KIFC2: variants seen among roughly 807,000 people sequenced by gnomAD.
KIFC2 encodes kinesin family member C2, also known as kinesin-like protein KIFC2.
KIFC2 carries 94 observed loss-of-function variants against 91.5 expected under a neutral mutation model. The ratio of observed to expected loss-of-function variants is 1.03; its 90% confidence interval spans 0.87 to 1.22. KIFC2 has a LOEUF of 1.22. Ranked by LOEUF, KIFC2 falls within the 50% of genes most tolerant of loss-of-function variation. KIFC2 has a pLI of 0.00. For synonymous variants in KIFC2, 729 were observed against 503.9 expected (o/e 1.45, Z -5.98); for missense variants, 1,357 against 1,103.3 (o/e 1.23, Z -3.26).
chr8:144,468,283 C>A, intron 7 of KIFC2, 46 bp from the exon 8 acceptor site: 1 of 1,524,386 alleles, frequency 6.6e-7, no homozygotes, highest in Non-Finnish European at 9.0e-7. Flanking sequence ...AATGGTACCA[C>A]AGACCGTCCC....
Position 144,473,470 on chromosome 8 carries a change from C to T in KIFC2, c.*81C>T, listed in dbSNP as rs758060465. 6.8e-7 allele frequency: 1 copy of T among 1,462,316 alleles called. No homozygotes were observed. Among genetic ancestry groups the T allele is most frequent in the South Asian group, 1.4e-5 (1 of 71,896 alleles). 90.6% of individuals were successfully genotyped at this position (1,462,316 alleles called of 1,614,324 possible). On this transcript the variant is annotated 3_prime_UTR_variant, in exon 18 of 18. Coordinates refer to ENST00000645548, the MANE Select transcript of KIFC2 (RefSeq NM_001369769.2). ...CGGTAGTAAAGTCCCTGTACCCCGTCTCCCAGGGCACAAGCTCCCTAGCCT... is the reference window on the plus strand; with the variant it reads ...CGGTAGTAAAGTCCCTGTACCCCGTTTCCCAGGGCACAAGCTCCCTAGCCT...
In KIFC2 at chr8:144,466,354, G is replaced by T; in HGVS notation, c.-66G>T. On this transcript the variant is annotated 5_prime_UTR_variant, in exon 1 of 18. Transcript: ENST00000645548. ...TGCGCACCGGCACTGCGGCGGGCGGGCGCCGAGTCTGGGCGCGGGGACGCG... is the reference window on the plus strand; with the variant it reads ...TGCGCACCGGCACTGCGGCGGGCGGTCGCCGAGTCTGGGCGCGGGGACGCG... The T allele has an allele frequency of 3.4e-6, 2 of 586,896 alleles. No homozygotes were observed. The highest frequency in any genetic ancestry group is 1.0e-4 in the Admixed American group (2 of 19,294). The allele number at this position is 586,896 out of a possible 1,614,324, so 36.4% of individuals were successfully genotyped here.
intron 7 of KIFC2, 157 bp downstream of exon 7, chr8:144,468,144 C>G (rs544961921): frequency 3.6e-6 from 4 of 1,108,912 alleles, no homozygotes; most frequent in Admixed American, 2.8e-5. Flanking sequence ...ACCCCCCTCT[C>G]CGTGGCCCCT....
chr8:144,468,480 C>T, intron 8 of KIFC2, 56 bp from the exon 9 acceptor site: 2 of 1,290,730 alleles, frequency 1.5e-6, no homozygotes, highest in South Asian at 1.2e-5. Flanking sequence ...TTATCTGAGG[C>T]AGGGCCTGGT....
In KIFC2 at chr8:144,466,493, C is replaced by T. The variant is rs761114602; in HGVS notation, c.74C>T (p.Ala25Val). ...LFRRDGGAAA[A>V]AEPGDPAQRA... ...CGCAGGGATGGTGGCGCCGCGGCGG[C>T]CGCGGAGCCCGGGGACCCCGCCCAG... Residue 25 changes from alanine (A) to valine (V), a missense_variant, in exon 1 of 18, where the codon GCC (alanine) becomes GTC (valine). By Grantham distance (64) the Ala-to-Val change is moderately conservative (BLOSUM62 0). Coordinates refer to ENST00000645548, the MANE Select transcript of KIFC2 (RefSeq NM_001369769.2). 2 of 1,314,214 alleles carry T rather than the reference C, an allele frequency of 1.5e-6. No homozygotes were observed. Among genetic ancestry groups the T allele is most frequent in the Non-Finnish European group, 2.0e-6 (2 of 1,024,328 alleles). 81.4% of individuals were successfully genotyped at this position (1,314,214 alleles called of 1,614,324 possible). A position where few individuals can be genotyped will look rare whatever the true frequency, so the allele number is the denominator to read the frequency against.
rs1371888375 is a variant in KIFC2 at position 144,466,789 on chromosome 8, C to A, written c.129C>A (p.Arg43=). 2.0e-6 allele frequency: 3 copies of A among 1,534,840 alleles called. No homozygotes were observed. Among genetic ancestry groups the A allele is most frequent in the Non-Finnish European group, 2.6e-6 (3 of 1,147,722 alleles). The change falls in exon 2 of 18, where the codon CGC becomes CGA. Residue 43 remains arginine (R), a synonymous_variant. Transcript: ENST00000645548. ...CCCGCAAGCCCCGGGGTCGCCGGCG[C>A]CCAGACCTGCCCGCGCCAGAGCTGT... ...QRARKPRGRR[R]PDLPAPELWT...
chr8:144,469,585 C>T lies in KIFC2; in HGVS notation c.1318C>T (p.Arg440Trp), dbSNP rs777942900. The T allele has an allele frequency of 5.6e-6, 9 of 1,612,848 alleles. No homozygotes were observed. Among genetic ancestry groups the T allele is most frequent in the African/African-American group, 2.7e-5 (2 of 74,938 alleles). The change falls in exon 12 of 18, where the codon CGG becomes TGG. Residue 440 changes from arginine (R) to tryptophan (W), a missense_variant. Coordinates refer to ENST00000645548, the MANE Select transcript of KIFC2 (RefSeq NM_001369769.2). ...GPGGTVTTCY[R>W]GRHRRFRLDW... is the part of the protein sequence containing the mutation. ...AGGGGGCACCGTCACCACCTGCTAC[C>T]GGGGGCGCCATCGTCGATTCCGCCT... is the stretch of plus-strand genomic sequence containing the variant.
Position 144,469,475 on chromosome 8 carries a change from T to G in KIFC2, c.1223-15T>G. 1 of 1,613,938 alleles carries G rather than the reference T, an allele frequency of 6.2e-7. No individual in the cohort carries two copies. The highest frequency in any genetic ancestry group is 1.3e-5 in the African/African-American group (1 of 75,070). ...GGGTCTGCGAGGCATTATGCTGACC[T>G]GATCCCCACTGCAGGAAATATCCGT... is the stretch of plus-strand genomic sequence containing the variant. On this transcript the variant is annotated splice_polypyrimidine_tract_variant and intron_variant, in intron 11 of 17. Coordinates refer to ENST00000645548, the MANE Select transcript of KIFC2 (RefSeq NM_001369769.2).
Position 144,472,680 on chromosome 8 carries a change from C to T in KIFC2, c.1835C>T (p.Ser612Phe), listed in dbSNP as rs1359699630. ...GTCACGCTGACGCTGCGCGCGGCGT[C>T]TCCACCGCGCGCTCCAGGCACCGCA... ...ALVTLTLRAA[S>F]PPRAPGTAGT... is the part of the protein sequence containing the mutation. The change falls in exon 16 of 18, where the codon TCT becomes TTT. Residue 612 changes from serine to phenylalanine, a missense_variant. Ser to Phe is a radical substitution (Grantham distance 155, BLOSUM62 -2). Coordinates refer to ENST00000645548, the MANE Select transcript of KIFC2 (RefSeq NM_001369769.2). 6.9e-6 allele frequency: 11 copies of T among 1,595,622 alleles called. No homozygotes were observed. In the South Asian group the frequency reaches 8.8e-5, roughly 13 times the overall value.
Position 144,472,652 on chromosome 8 carries a change from C to A in KIFC2, c.1807C>A (p.Leu603Met). 6.3e-7 allele frequency: 1 copy of A among 1,599,892 alleles called. No homozygotes were observed. Among genetic ancestry groups the A allele is most frequent in the Non-Finnish European group, 8.5e-7 (1 of 1,179,226 alleles). ...CCAGCGCAGCTCCCGCTCGCATGCCCTGGTCACGCTGACGCTGCGCGCGGC... is the reference window on the plus strand; with the variant it reads ...CCAGCGCAGCTCCCGCTCGCATGCCATGGTCACGCTGACGCTGCGCGCGGC... ...MNQRSSRSHA[L>M]VTLTLRAASP... The change falls in exon 16 of 18, where the codon CTG becomes ATG. Residue 603 changes from leucine to methionine, a missense_variant. Physicochemically the swap from Leu to Met is conservative, Grantham distance 15. Transcript: ENST00000645548.
chr8:144,466,714 AG>A (rs1250815812), intron 1 of KIFC2, 45 bp from the exon 2 acceptor site: 12 of 1,432,210 alleles, frequency 8.4e-6, no homozygotes, highest in Non-Finnish European at 1.1e-5. Context: ...AGGGGCCAGC[AG>A]GCTGCCTGCC....
In KIFC2 at chr8:144,466,752, C is replaced by A. The variant is rs779043012; in HGVS notation, c.100-8C>A. 6.1e-4 allele frequency: 936 copies of A among 1,525,848 alleles called. No homozygotes were observed. Among genetic ancestry groups the A allele is most frequent in the Non-Finnish European group, 7.9e-4 (906 of 1,143,386 alleles). 94.5% of individuals were successfully genotyped at this position (1,525,848 alleles called of 1,614,324 possible). On this transcript the variant is annotated splice_polypyrimidine_tract_variant and splice_region_variant and intron_variant, in intron 1 of 17. Coordinates refer to ENST00000645548, the MANE Select transcript of KIFC2 (RefSeq NM_001369769.2). ...CCCTCCTCAGGGGCGCCCCTGCCCC[C>A]TCCCTAGAGAGCCCGCAAGCCCCGG...
rs1037980278 is a variant in KIFC2, at chr8:144,469,398, C to T, written c.1222+19C>T. On this transcript the variant is annotated intron_variant, in intron 11 of 17. Transcript: ENST00000645548. ...CTCAAGGGTATGACAGGCTTGGGAG[C>T]CTAGCGGGGCAGGGAGGGCGGCTGG... 4 of 1,611,470 alleles carry T rather than the reference C, an allele frequency of 2.5e-6. No homozygotes were observed. The highest frequency in any genetic ancestry group is 3.4e-6 in the Non-Finnish European group (4 of 1,179,186).
Position 144,469,644 on chromosome 8 carries a change from G to A in KIFC2, c.1377G>A (p.Glu459=). The change falls in exon 12 of 18, where the codon GAG becomes GAA. Residue 459 remains glutamate, a synonymous_variant. Transcript: ENST00000645548. The part of the protein sequence containing the change: ...DWVFPPDASQ[E]EVFRELEPAV... ...TCTTCCCTCCAGACGCCAGCCAGGA[G>A]GAGGTGACAGCCTGCCTTTGCAGCC... is the stretch of plus-strand genomic sequence containing the variant. 18 of 1,594,284 alleles carry A rather than the reference G, an allele frequency of 1.1e-5. No homozygotes were observed. Among genetic ancestry groups the A allele is most frequent in the Non-Finnish European group, 1.5e-5 (17 of 1,171,236 alleles).
rs905906809 is a variant in KIFC2, at chr8:144,473,591, C to G, written c.*202C>G. ...CTGCTGAAGTGATCACCCCCCGCCC[C>G]CAGCCCTGCATCAGGCCACAGGTCT... On this transcript the variant is annotated 3_prime_UTR_variant, in exon 18 of 18. Coordinates refer to ENST00000645548, the MANE Select transcript of KIFC2 (RefSeq NM_001369769.2). The G allele has an allele frequency of 1.4e-6, 1 of 735,516 alleles. No homozygotes were observed. Among genetic ancestry groups the G allele is most frequent in the African/African-American group, 1.9e-5 (1 of 53,792 alleles). The allele number at this position is 735,516 out of a possible 1,614,324, so 45.6% of individuals were successfully genotyped here.
Position 144,470,099 on chromosome 8 carries a change from C to T in KIFC2, c.1380+452C>T, listed in dbSNP as rs570868968. On this transcript the variant is annotated intron_variant, in intron 12 of 17. Coordinates refer to ENST00000645548, the MANE Select transcript of KIFC2 (RefSeq NM_001369769.2). ...ACCCCACTTTCACACACGTTTTCAT[C>T]TGCACATGCCCTTTGCTGCTACAGC... is the stretch of plus-strand genomic sequence containing the variant. Among the ~76,000 whole-genome samples, 4 of 152,364 alleles carry T rather than the reference C, an allele frequency of 2.6e-5. No homozygotes were observed. The East Asian group carries it at 7.7e-4, about 29-fold the overall frequency.
At position 144,467,619 on chromosome 8, in the gene KIFC2, A is replaced by G; in HGVS notation, c.604A>G (p.Ile202Val). Reference protein sequence around the residue: ...QRAWQRLEQLILGQLEELKQQ... With the variant: ...QRAWQRLEQLVLGQLEELKQQ... ...GGCGTGGCAGCGGCTGGAGCAGCTCATCCTGGGACAGGTGAGGTCCCTGGA... is the reference window on the plus strand; with the variant it reads ...GGCGTGGCAGCGGCTGGAGCAGCTCGTCCTGGGACAGGTGAGGTCCCTGGA... The change falls in exon 5 of 18, where the codon ATC becomes GTC. Residue 202 changes from isoleucine (I) to valine (V), a missense_variant. Coordinates refer to ENST00000645548, the MANE Select transcript of KIFC2 (RefSeq NM_001369769.2). 1 of 1,593,910 alleles carries G rather than the reference A, an allele frequency of 6.3e-7. No homozygotes were observed. The highest frequency in any genetic ancestry group is 8.6e-7 in the Non-Finnish European group (1 of 1,169,342).
At chr8:144,472,315 G>A (rs975928267) in intron 14 of KIFC2, 46 bp from the exon 15 acceptor site, 7 of 1,613,326 alleles carry the variant, frequency 4.3e-6, no homozygotes, top group Admixed American at 1.7e-5. Flanking sequence ...GGCCCTTCCG[G>A]ATTTCCAGAG....
At chr8:144,469,670 A>AT (rs1387123368) in intron 12 of KIFC2, 23 bp downstream of exon 12, 10 of 1,563,058 alleles carry the variant, frequency 6.4e-6, no homozygotes, top group Non-Finnish European at 8.6e-6. Flanking sequence ...CTTTGCAGCC[A>AT]TCCTGACCCT....
Sources: gnomAD v4.1 joint callset for allele counts (sites outside exome capture counted in the v4.1 genomes callset) on GRCh38, gnomAD v4.1.1 for gene constraint, MANE v1.5 for transcripts, NCBI Gene and HGNC (gene_info 2026-07-23, HGNC 2026-07-21) for gene names.